The following XKR9 variants were observed in gnomAD, a reference collection of about 807,000 sequenced individuals.
XKR9 encodes the protein XK-related protein 9.
XKR9 carries 32 observed loss-of-function variants against 32.0 expected under a neutral mutation model. The observed-to-expected ratio is 1.00, with a 90% CI of 0.76 to 1.34. XKR9 has a LOEUF of 1.34. Among genes scored for constraint, XKR9 ranks in the 40% most tolerant of loss-of-function variants. The pLI is 0.00. For missense variants in XKR9, 546 were observed against 429.7 expected (o/e 1.27, Z -2.39); for synonymous variants, 168 against 143.4 (o/e 1.17, Z -1.22).
At chr8:70,888,064 G>C in the XKR9 span, among the ~76,000 whole-genome samples, 1 of 151,530 alleles carries the variant, frequency 6.6e-6, no homozygotes, top group African/African-American at 2.4e-5. Context: ...TCTTTGTGTT[G>C]AGAACATTCA....
chr8:70,731,762 T>C (rs1297335565), intron 4 of XKR9, among the ~76,000 whole-genome samples: 1 of 152,132 alleles, frequency 6.6e-6, no homozygotes, highest in Non-Finnish European at 1.5e-5. Flanking sequence ...TGTTGAGCAT[T>C]CTTTCAGGCT....
the XKR9 span, among the ~76,000 whole-genome samples, chr8:70,987,226 T>G: frequency 6.6e-6 from 1 of 152,104 alleles, no homozygotes; most frequent in Non-Finnish European, 1.5e-5. Context: ...AATCATGCCT[T>G]CCCAACAATC....
chr8:70,949,426 A>G, the XKR9 span, among the ~76,000 whole-genome samples: 2 of 151,900 alleles, frequency 1.3e-5, no homozygotes, highest in East Asian at 1.9e-4. Context: ...TTCTAAATCT[A>G]GAAATTTCTG....
chr8:70,689,014 G>T (rs1295283505), intron 3 of XKR9, among the ~76,000 whole-genome samples: 2 of 152,006 alleles, frequency 1.3e-5, no homozygotes, highest in Non-Finnish European at 2.9e-5. Flanking sequence ...ATAAAAATGC[G>T]TGCTAATAAA....
the XKR9 span, among the ~76,000 whole-genome samples, chr8:70,986,496 A>C: frequency 3.3e-5 from 5 of 152,176 alleles, no homozygotes; most frequent in Non-Finnish European, 7.4e-5. Flanking sequence ...ACATTGTTAC[A>C]TCTTCTATGG....
chr8:71,029,174 A>T, the XKR9 span, among the ~76,000 whole-genome samples: 1 of 152,112 alleles, frequency 6.6e-6, no homozygotes, highest in Admixed American at 6.6e-5. Flanking sequence ...GGAGTTACAA[A>T]AGCATTTCTT....
At chr8:71,050,384 G>C in the XKR9 span, among the ~76,000 whole-genome samples, 8 of 151,158 alleles carry the variant, frequency 5.3e-5, no homozygotes, top group Middle Eastern at 3.4e-3. Context: ...AATTATTATG[G>C]ATTCTTAAAT....
intron 2 of XKR9, among the ~76,000 whole-genome samples, chr8:70,778,961 C>G (rs2130247998): frequency 6.6e-6 from 1 of 152,078 alleles, no homozygotes; most frequent in East Asian, 1.9e-4. Flanking sequence ...GTCTGACTGC[C>G]CTGGCCAGAA....
chr8:70,784,948 C>T (rs1394820668), intron 2 of XKR9, among the ~76,000 whole-genome samples: 2 of 151,544 alleles, frequency 1.3e-5, no homozygotes, highest in Admixed American at 6.6e-5. Flanking sequence ...TTTTCTACAC[C>T]TACCAGGTGA....
chr8:70,794,232 ATTAG>A (rs1807800357), downstream of XKR9, among the ~76,000 whole-genome samples: 2 of 152,026 alleles, frequency 1.3e-5, no homozygotes, highest in Admixed American at 6.6e-5. Context: ...GAACTCATTT[ATTAG>A]TTCTAACAGG....
the XKR9 span, among the ~76,000 whole-genome samples, chr8:70,981,326 G>T: frequency 6.6e-6 from 1 of 152,100 alleles, no homozygotes; most frequent in South Asian, 2.1e-4. Context: ...TGGAGGCTTT[G>T]CTCATTTTTA....
the XKR9 span, among the ~76,000 whole-genome samples, chr8:70,919,709 A>G: frequency 6.6e-6 from 1 of 152,114 alleles, no homozygotes; most frequent in South Asian, 2.1e-4. Flanking sequence ...ATGACTGGCT[A>G]TCTTCCTCCC....
chr8:71,050,264 TAGATAGATAG>T, the XKR9 span, among the ~76,000 whole-genome samples: 143 of 95,370 alleles, frequency 1.5e-3, 2 homozygotes, highest in African/African-American at 6.8e-3. Context: ...TATATATAGA[TAGATAGATAG>T]ATATAGATAT....
intron 4 of XKR9, among the ~76,000 whole-genome samples, chr8:70,726,864 A>T (rs1247944815): frequency 6.6e-6 from 1 of 152,214 alleles, no homozygotes; most frequent in East Asian, 1.9e-4. Flanking sequence ...CATCTCCATC[A>T]TGGCAATGCT....
the XKR9 span, among the ~76,000 whole-genome samples, chr8:70,824,212 G>A: frequency 2.6e-5 from 4 of 151,966 alleles, no homozygotes; most frequent in Non-Finnish European, 4.4e-5. Flanking sequence ...CTAATCATTT[G>A]GTTAACTTTA....
rs554885233 is a variant in XKR9, at chr8:70,740,960, C to G, written n.352+33807C>G. Among the ~76,000 whole-genome samples, 6 of 152,334 alleles carry G rather than the reference C, an allele frequency of 3.9e-5. No homozygotes were observed. In the South Asian group the frequency reaches 1.2e-3, roughly 32 times the overall value. Reference sequence around the variant, plus strand: ...AGGCAGTCTGCCCGTTCTGAGATCTCCAGCTGCGGGCTGGGAGAACCACTG... The same window carrying G: ...AGGCAGTCTGCCCGTTCTGAGATCTGCAGCTGCGGGCTGGGAGAACCACTG... On this transcript the variant is annotated intron_variant and non_coding_transcript_variant, in intron 2 of 3. Coordinates refer to the XKR9 transcript ENST00000520273.
Position 70,734,088 on chromosome 8 carries a change from A to G in XKR9, c.786A>G (p.Leu262=), listed in dbSNP as rs150958920. ...QFCTCISMEF[L]YRIVVGFILI... is the part of the protein sequence containing the mutation. ...GTACTTGTATAAGTATGGAATTCTT[A>G]TATAGGATTGTTGTTGGATTCATTC... is the stretch of plus-strand genomic sequence containing the variant. The change falls in exon 5 of 5, where the codon TTA becomes TTG. Residue 262 remains leucine, a synonymous_variant. Coordinates refer to ENST00000408926, the MANE Select transcript of XKR9 (RefSeq NM_001011720.2). The G allele has an allele frequency of 1.9e-5, 30 of 1,612,794 alleles. 1 individual carries two copies. The highest frequency in any genetic ancestry group is 3.3e-5 in the Admixed American group (2 of 59,944).
At chr8:71,010,254 AG>A in the XKR9 span, among the ~76,000 whole-genome samples, 1 of 152,228 alleles carries the variant, frequency 6.6e-6, no homozygotes, top group African/African-American at 2.4e-5. Flanking sequence ...CCCCTGAATA[AG>A]GCCAAGGGAA....
chr8:70,957,926 T>G, the XKR9 span, among the ~76,000 whole-genome samples: 1 of 151,154 alleles, frequency 6.6e-6, no homozygotes, highest in East Asian at 2.0e-4. Flanking sequence ...TGGCTGGAAC[T>G]ACAGACATGT....
Sources: allele counts gnomAD v4.1 joint callset (sites outside exome capture counted in the v4.1 genomes callset), GRCh38; gene constraint gnomAD v4.1.1; transcripts MANE v1.5; gene names NCBI Gene and HGNC (gene_info 2026-07-23, HGNC 2026-07-21).